The following FAT3 variants were observed in gnomAD, a reference collection of about 807,000 sequenced individuals.
The protein encoded by FAT3 is FAT atypical cadherin 3, also known as protocadherin Fat 3.
A neutral mutation model predicts 310.2 loss-of-function variants in FAT3; 95 were observed. The ratio of observed to expected loss-of-function variants is 0.31; its 90% CI spans 0.26 to 0.36. The LOEUF is 0.36. Among genes scored for constraint, FAT3 ranks in the 10% least tolerant of loss-of-function variants. The probability of loss-of-function intolerance (pLI) is 1.00; values close to 1 mark genes in which losing one functional copy is unlikely to be tolerated. For missense variants in FAT3, 5,408 were observed against 5,715.6 expected, an observed-to-expected ratio of 0.95 and a Z score of 1.74; for synonymous variants, 2,314 against 2,192.9, an observed-to-expected ratio of 1.06 and a Z score of -1.54.
chr11:92,873,233 G>A (rs1379494899), intron 22 of FAT3, among the ~76,000 whole-genome samples: 2 of 152,122 alleles, frequency 1.3e-5, no homozygotes, highest in African/African-American at 4.8e-5. Context: ...TCAGGCCATG[G>A]TCACACCCAG....
chr11:92,612,960 T>C (rs1322625648), intron 3 of FAT3, among the ~76,000 whole-genome samples: 1 of 152,172 alleles, frequency 6.6e-6, no homozygotes, highest in Admixed American at 6.5e-5. Flanking sequence ...GCTATGCCAG[T>C]GTTGGGAGGA....
chr11:92,833,170 A>T (rs1436646766), intron 14 of FAT3, among the ~76,000 whole-genome samples: 2 of 152,206 alleles, frequency 1.3e-5, no homozygotes, highest in Non-Finnish European at 2.9e-5. Context: ...TTGTATTTTC[A>T]TAGACTGTAT....
intron 2 of FAT3, among the ~76,000 whole-genome samples, chr11:92,437,360 G>A (rs1449342950): frequency 6.6e-6 from 1 of 152,170 alleles, no homozygotes; most frequent in Non-Finnish European, 1.5e-5. Context: ...AGTATTAATT[G>A]TCAGCAGAAG....
chr11:92,376,661 G>A (rs533279710), intron 2 of FAT3, among the ~76,000 whole-genome samples: 17 of 152,292 alleles, frequency 1.1e-4, no homozygotes, highest in African/African-American at 4.1e-4. Context: ...CTGAATAAAG[G>A]TCAGAAGGGT....
intron 7 of FAT3, among the ~76,000 whole-genome samples, chr11:92,788,438 C>A (rs913075175): frequency 6.6e-6 from 1 of 152,088 alleles, no homozygotes; most frequent in Non-Finnish European, 1.5e-5. Flanking sequence ...TCCTAACTTT[C>A]CTATATGAAA....
intron 2 of FAT3, among the ~76,000 whole-genome samples, chr11:92,417,668 G>T (rs952227419): frequency 2.0e-5 from 3 of 152,170 alleles, no homozygotes; most frequent in African/African-American, 7.2e-5. Flanking sequence ...AATATACTGG[G>T]CAGAGCCATA....
intron 3 of FAT3, among the ~76,000 whole-genome samples, chr11:92,548,534 A>G (rs534229809): frequency 4.3e-4 from 66 of 152,368 alleles, no homozygotes; most frequent in Admixed American, 8.5e-4. Context: ...CAAAAAGTTC[A>G]TGCCTTTTCC....
chr11:92,605,553 G>C (rs1940235973), intron 3 of FAT3, among the ~76,000 whole-genome samples: 2 of 152,090 alleles, frequency 1.3e-5, no homozygotes, highest in South Asian at 4.1e-4. Context: ...GCTTCCATAA[G>C]AAAGAGTTAA....
chr11:92,657,673 CATAAAG>C (rs1165242006), intron 3 of FAT3, among the ~76,000 whole-genome samples: 1 of 152,266 alleles, frequency 6.6e-6, no homozygotes, highest in African/African-American at 2.4e-5. Flanking sequence ...TTTCAGAGGA[CATAAAG>C]ATAAAAGGGA....
chr11:92,773,315 C>T (rs3847527), intron 6 of FAT3, among the ~76,000 whole-genome samples: 142,226 of 152,254 alleles, frequency 0.93, 66,563 homozygotes, highest in East Asian at 0.99. Context: ...TTCTAAACTT[C>T]CATGTAAATT....
rs1456209405 is a variant in FAT3, at chr11:92,225,144, G to A, written c.-48G>A. Among the ~76,000 whole-genome samples the A allele has an allele frequency of 1.3e-5, 2 of 152,154 alleles. No homozygotes were observed. Among genetic ancestry groups the A allele is most frequent in the Non-Finnish European group, 2.9e-5 (2 of 68,016 alleles). ...AAGAAGACCACGGGGGAGGCGCCTC[G>A]TAGAGCCGTGGATCGCCAGCGGAGG... is the stretch of plus-strand genomic sequence containing the variant. On this transcript the variant is annotated 5_prime_UTR_variant, in exon 1 of 28. Coordinates refer to ENST00000525166, the MANE Select transcript of FAT3 (RefSeq NM_001367949.2).
chr11:92,237,577 A>G (rs1864484386), intron 1 of FAT3, among the ~76,000 whole-genome samples: 1 of 152,162 alleles, frequency 6.6e-6, no homozygotes, highest in African/African-American at 2.4e-5. Context: ...GAATTCCAGC[A>G]TGTTTTAATG....
chr11:92,811,001 G>T (rs1246698562), intron 13 of FAT3, among the ~76,000 whole-genome samples: 1 of 152,112 alleles, frequency 6.6e-6, no homozygotes, highest in Non-Finnish European at 1.5e-5. Context: ...ATGATAATTA[G>T]TTGAAAACAA....
intron 3 of FAT3, among the ~76,000 whole-genome samples, chr11:92,653,808 C>T (rs1276994951): frequency 1.3e-5 from 2 of 152,168 alleles, no homozygotes; most frequent in African/African-American, 4.8e-5. Context: ...AATATATTCA[C>T]TATCCTTTCC....
intron 2 of FAT3, among the ~76,000 whole-genome samples, chr11:92,467,822 A>G (rs946283517): frequency 6.6e-6 from 1 of 152,198 alleles, no homozygotes; most frequent in African/African-American, 2.4e-5. Flanking sequence ...CTAGGACTGC[A>G]GCATTAACTT....
rs575832685 is a variant in FAT3 at position 92,325,344 on chromosome 11, T to A, written c.-17-26752T>A. Among the ~76,000 whole-genome samples, 6 of 152,370 alleles carry A rather than the reference T, an allele frequency of 3.9e-5. No individual in the cohort carries two copies. The South Asian group carries it at 1.2e-3, about 32-fold the overall frequency. Reference sequence around the variant, plus strand: ...AAAGTGTAGAAAGCCCTTAGGTTGATGGTTAAGTTAGAAACTTTGGCCCTA... The same window carrying A: ...AAAGTGTAGAAAGCCCTTAGGTTGAAGGTTAAGTTAGAAACTTTGGCCCTA... On this transcript the variant is annotated intron_variant, in intron 1 of 27. Transcript: ENST00000525166.
rs1946448873 is a variant in FAT3 at position 92,771,271 on chromosome 11, T to C, written c.4196-2770T>C. On this transcript the variant is annotated intron_variant, in intron 6 of 27. Coordinates refer to ENST00000525166, the MANE Select transcript of FAT3 (RefSeq NM_001367949.2). ...TTAAGCGGAATGCTGCTAGTGAAAA[T>C]GGACTCCTTGCATTTGATATTCTCA... Among the ~76,000 whole-genome samples the C allele has an allele frequency of 1.3e-5, 2 of 152,154 alleles. 1 individual carries two copies. Among genetic ancestry groups the C allele is most frequent in the South Asian group, 4.1e-4 (2 of 4,824 alleles).
chr11:92,559,541 T>C (rs1342710792), intron 3 of FAT3: 3 of 298,520 alleles, frequency 1.0e-5, no homozygotes. Context: ...TGCACCGCCA[T>C]GCCCAGCTAC....
chr11:92,889,206 A>G lies in FAT3; in HGVS notation c.13069A>G (p.Ile4357Val). 1.4e-6 allele frequency: 1 copy of G among 714,560 alleles called. No individual in the cohort carries two copies. Among genetic ancestry groups the G allele is most frequent in the South Asian group, 1.5e-5 (1 of 67,006 alleles). The allele number at this position is 714,560 out of a possible 1,614,324, so 44.3% of individuals were successfully genotyped here. The change falls in exon 26 of 28, where the codon ATT becomes GTT. Residue 4357 changes from isoleucine to valine, a missense_variant. Physicochemically the swap from Ile to Val is conservative, Grantham distance 29. Transcript: ENST00000525166. ...GDDNASIVTV[I>V]QLVNNVVDTI... ...ACCACAAGCCTCCATAGTGACTGTC[A>G]TTCAGCTTGTCAACAATGTAGTTGA...
Sources: allele counts gnomAD v4.1 joint callset (sites outside exome capture counted in the v4.1 genomes callset), GRCh38; gene constraint gnomAD v4.1.1; transcripts MANE v1.5; gene names NCBI Gene and HGNC (gene_info 2026-07-23, HGNC 2026-07-21).